The following UVRAG variants were observed in gnomAD, a reference collection of about 807,000 sequenced individuals.
UVRAG encodes UV radiation resistance associated.
In UVRAG, 19 loss-of-function variants were observed where a neutral mutation model predicts 78.0. The observed-to-expected ratio is 0.24, with a 90% confidence interval of 0.17 to 0.36. The LOEUF (loss-of-function observed/expected upper bound fraction) is 0.36, where lower values mean the gene tolerates loss of function less well. UVRAG is among the 10% of genes least tolerant of loss of function. UVRAG has a pLI of 1.00. For missense variants in UVRAG, 740 were observed against 853.8 expected (o/e 0.87, Z 1.66); for synonymous variants, 323 against 324.6 (o/e 1.00, Z 0.05).
intron 8 of UVRAG, 187 bp downstream of exon 8, chr11:75,983,700 A>G: frequency 1.3e-6 from 1 of 778,206 alleles, no homozygotes; most frequent in Non-Finnish European, 1.9e-6. Flanking sequence ...GAGTATGTTT[A>G]CACAAGCTCA....
rs1952755580 is a variant in UVRAG, at chr11:76,143,324, C to G, written c.*1911C>G. ...GTAGGTACACTGGGTTGCAGGGCATCCAGCCTGGCGCTGGCACCACCAAGG... is the reference window on the plus strand; with the variant it reads ...GTAGGTACACTGGGTTGCAGGGCATGCAGCCTGGCGCTGGCACCACCAAGG... On this transcript the variant is annotated 3_prime_UTR_variant, in exon 15 of 15. Coordinates refer to ENST00000356136, the MANE Select transcript of UVRAG (RefSeq NM_003369.4). The G allele has an allele frequency of 6.6e-6, 1 of 152,260 alleles. No individual in the cohort carries two copies. 9.4% of individuals were successfully genotyped at this position (152,260 alleles called of 1,614,324 possible).
intron 2 of UVRAG, among the ~76,000 whole-genome samples, chr11:75,854,277 G>T (rs778460517): frequency 2.0e-5 from 3 of 152,126 alleles, no homozygotes; most frequent in African/African-American, 4.8e-5. Flanking sequence ...TGGGCTGCTG[G>T]TGTCCTCAAT....
At chr11:75,918,704 C>T (rs976334648) in intron 6 of UVRAG, among the ~76,000 whole-genome samples, 4 of 152,150 alleles carry the variant, frequency 2.6e-5, no homozygotes, top group African/African-American at 9.7e-5. Context: ...TTAGCCCTAT[C>T]GCAGTGTGTA....
chr11:75,917,937 T>C (rs1947893548), intron 6 of UVRAG, among the ~76,000 whole-genome samples: 1 of 152,184 alleles, frequency 6.6e-6, no homozygotes, highest in Admixed American at 6.5e-5. Context: ...AGCAGTTAAG[T>C]AACTTCACCA....
At chr11:75,981,190 C>A (rs1325635468) in intron 7 of UVRAG, among the ~76,000 whole-genome samples, 1 of 152,100 alleles carries the variant, frequency 6.6e-6, no homozygotes, top group Non-Finnish European at 1.5e-5. Flanking sequence ...TGGCTCACGG[C>A]AACCTCCACC....
intron 7 of UVRAG, among the ~76,000 whole-genome samples, chr11:75,975,316 T>C (rs1242015431): frequency 6.6e-6 from 1 of 152,220 alleles, no homozygotes; most frequent in Non-Finnish European, 1.5e-5. Context: ...TCTAGTTTTG[T>C]TCTTTTGGCT....
At chr11:75,980,823 A>C (rs1949376847) in intron 7 of UVRAG, among the ~76,000 whole-genome samples, 1 of 151,766 alleles carries the variant, frequency 6.6e-6, no homozygotes, top group African/African-American at 2.4e-5. Context: ...CTGGGATTAC[A>C]GGTGCCTGCC....
chr11:75,914,666 G>C (rs1042497398), intron 6 of UVRAG: 5 of 152,060 alleles, frequency 3.3e-5, no homozygotes, highest in African/African-American at 9.7e-5. Context: ...GCTAATTTTT[G>C]TATTTTTAGT....
At chr11:76,093,311 T>C (rs1484709206) in intron 13 of UVRAG, among the ~76,000 whole-genome samples, 1 of 152,238 alleles carries the variant, frequency 6.6e-6, no homozygotes, top group Non-Finnish European at 1.5e-5. Context: ...AGCTTTGTTC[T>C]TTTCGCTCAG....
intron 12 of UVRAG, among the ~76,000 whole-genome samples, chr11:76,019,611 T>C (rs1950205054): frequency 6.6e-6 from 1 of 152,232 alleles, no homozygotes; most frequent in African/African-American, 2.4e-5. Flanking sequence ...CACTTGGTGG[T>C]CTTGGATAAG....
intron 14 of UVRAG, among the ~76,000 whole-genome samples, chr11:76,123,008 C>T (rs1952314646): frequency 6.6e-6 from 1 of 152,170 alleles, no homozygotes; most frequent in African/African-American, 2.4e-5. Flanking sequence ...AAGCGCCTTG[C>T]CAAGATCACG....
intron 13 of UVRAG, among the ~76,000 whole-genome samples, chr11:76,080,020 T>C (rs1951468969): frequency 6.6e-6 from 1 of 152,126 alleles, no homozygotes; most frequent in Non-Finnish European, 1.5e-5. Context: ...CATCAACCCA[T>C]GGCAGATGTG....
chr11:76,012,863 A>G (rs1375351940), intron 11 of UVRAG: 2 of 148,776 alleles, frequency 1.3e-5, no homozygotes, highest in African/African-American at 5.0e-5. Flanking sequence ...GTAATCCATA[A>G]CACGAGAGCC....
At chr11:76,012,923 G>T (rs1950081325) in intron 11 of UVRAG, 1 of 150,972 alleles carries the variant, frequency 6.6e-6, no homozygotes, top group Non-Finnish European at 1.5e-5. Context: ...ATCCCTTTAT[G>T]CAGGCATGAT....
intron 3 of UVRAG, among the ~76,000 whole-genome samples, chr11:75,872,587 C>T (rs529105357): frequency 6.6e-6 from 1 of 152,144 alleles, no homozygotes; most frequent in East Asian, 1.9e-4. Flanking sequence ...TGGGGTTTCA[C>T]CATATTGGCC....
chr11:75,975,871 C>T (rs1269458540), intron 7 of UVRAG, among the ~76,000 whole-genome samples: 8 of 152,166 alleles, frequency 5.3e-5, no homozygotes, highest in Non-Finnish European at 1.2e-4. Flanking sequence ...TTTCTCCTGC[C>T]TAATTGCCCT....
intron 13 of UVRAG, among the ~76,000 whole-genome samples, chr11:76,067,712 C>T (rs954276542): frequency 5.9e-5 from 9 of 151,834 alleles, no homozygotes; most frequent in Non-Finnish European, 1.0e-4. Context: ...GAGCTGAGAT[C>T]GTGCCAGTGC....
chr11:76,035,054 T>C (rs1015511213), intron 12 of UVRAG, among the ~76,000 whole-genome samples: 1 of 152,226 alleles, frequency 6.6e-6, no homozygotes, highest in African/African-American at 2.4e-5. Context: ...TTAAACTCTT[T>C]TAAATGTGTA....
intron 12 of UVRAG, among the ~76,000 whole-genome samples, chr11:76,022,576 A>T (rs1337014758): frequency 6.6e-6 from 1 of 152,116 alleles, no homozygotes; most frequent in Non-Finnish European, 1.5e-5. Flanking sequence ...GTTTTATCTG[A>T]TATTAGTATG....
Sources: allele counts gnomAD v4.1 joint callset (sites outside exome capture counted in the v4.1 genomes callset), GRCh38; gene constraint gnomAD v4.1.1; transcripts MANE v1.5; gene names NCBI Gene and HGNC (gene_info 2026-07-23, HGNC 2026-07-21).